Variants in PLPP4 observed in about 807,000 individuals in gnomAD.
The protein encoded by PLPP4 is diacylglycerol pyrophosphate like 2.
A neutral mutation model predicts 32.2 loss-of-function variants in PLPP4; 20 were observed. That is an observed-to-expected ratio of 0.62 (90% CI 0.44 to 0.90). The LOEUF is 0.90. Ranked by LOEUF, PLPP4 falls within the 40% of genes least tolerant of loss-of-function variation. The pLI is 0.00. For synonymous variants in PLPP4, 127 were observed against 133.0 expected, an observed-to-expected ratio of 0.95 and a Z score of 0.31; for missense variants, 257 against 353.1, an observed-to-expected ratio of 0.73 and a Z score of 2.18.
chr10:120,483,805 A>G (rs978953102), intron 1 of PLPP4, among the ~76,000 whole-genome samples: 1 of 152,132 alleles, frequency 6.6e-6, no homozygotes, highest in Admixed American at 6.5e-5. Flanking sequence ...TTTTCTGGCC[A>G]TGTGATCTCT....
chr10:120,571,890 A>G (rs1848957510), intron 5 of PLPP4, among the ~76,000 whole-genome samples: 1 of 152,230 alleles, frequency 6.6e-6, no homozygotes, highest in Non-Finnish European at 1.5e-5. Flanking sequence ...TGTTAGTTCA[A>G]TAACAGTATA....
At chr10:120,550,338 T>A (rs1171769876) in intron 5 of PLPP4, among the ~76,000 whole-genome samples, 1 of 151,998 alleles carries the variant, frequency 6.6e-6, no homozygotes, top group Non-Finnish European at 1.5e-5. Flanking sequence ...AGTTGAATTA[T>A]CCAATATTGT....
intron 5 of PLPP4, among the ~76,000 whole-genome samples, chr10:120,556,333 G>T (rs746947419): frequency 6.6e-6 from 1 of 152,100 alleles, no homozygotes; most frequent in Non-Finnish European, 1.5e-5. Context: ...GGCTTACATT[G>T]TTCTTGATTT....
chr10:120,546,454 A>T (rs1026605411), intron 5 of PLPP4, among the ~76,000 whole-genome samples: 1 of 152,078 alleles, frequency 6.6e-6, no homozygotes, highest in African/African-American at 2.4e-5. Context: ...TCACTCATCA[A>T]TTCCTTTAAT....
rs372646242 is a variant in PLPP4, at chr10:120,591,003, A to G, written c.*1501A>G. 3.9e-5 allele frequency among the ~76,000 whole-genome samples: 6 copies of G among 152,032 alleles called. No individual in the cohort carries two copies. Among genetic ancestry groups the G allele is most frequent in the African/African-American group, 1.4e-4 (6 of 41,402 alleles). On this transcript the variant is annotated 3_prime_UTR_variant, in exon 7 of 7. Transcript: ENST00000398250. ...AGGCTGGTCTCGGACTCCTAGCCTC[A>G]AGTGATCTGCCCACCTCGGCCTCCC...
At chr10:120,485,971 G>T in intron 1 of PLPP4, among the ~76,000 whole-genome samples, 1 of 152,180 alleles carries the variant, frequency 6.6e-6, no homozygotes, top group East Asian at 1.9e-4. Flanking sequence ...TTCTTGGTCT[G>T]CTCTGGTCTC....
intron 1 of PLPP4, among the ~76,000 whole-genome samples, chr10:120,493,440 A>C (rs573021849): frequency 6.6e-6 from 1 of 152,318 alleles, no homozygotes; most frequent in South Asian, 2.1e-4. Context: ...CAGGGGCCAC[A>C]GGTAAAGAAT....
intron 1 of PLPP4, among the ~76,000 whole-genome samples, chr10:120,463,364 C>G (rs1470340396): frequency 1.3e-5 from 2 of 152,130 alleles, no homozygotes; most frequent in African/African-American, 4.8e-5. Flanking sequence ...AAGCAAAGAG[C>G]TATAACAAAA....
intron 2 of PLPP4, among the ~76,000 whole-genome samples, chr10:120,507,951 A>C (rs898708840): frequency 1.3e-5 from 2 of 152,150 alleles, no homozygotes; most frequent in African/African-American, 4.8e-5. Context: ...AATAGGTAAG[A>C]CTCAGTAAGA....
intron 1 of PLPP4, among the ~76,000 whole-genome samples, chr10:120,500,338 G>C (rs1263950888): frequency 1.3e-5 from 2 of 152,226 alleles, no homozygotes; most frequent in African/African-American, 4.8e-5. Flanking sequence ...GTCTCACAGA[G>C]TGGGGGTGTG....
intron 6 of PLPP4, among the ~76,000 whole-genome samples, chr10:120,584,470 G>T (rs1849662537): frequency 6.6e-6 from 1 of 152,212 alleles, no homozygotes; most frequent in Non-Finnish European, 1.5e-5. Flanking sequence ...CCCCTGATAC[G>T]TATGCAGTGC....
chr10:120,478,800 C>T (rs1006689229), intron 1 of PLPP4, among the ~76,000 whole-genome samples: 3 of 152,230 alleles, frequency 2.0e-5, no homozygotes, highest in Non-Finnish European at 4.4e-5. Flanking sequence ...TAATTTAATA[C>T]AGCCAGTCTG....
chr10:120,512,796 A>C (rs1415930183), intron 2 of PLPP4, among the ~76,000 whole-genome samples: 1 of 152,154 alleles, frequency 6.6e-6, no homozygotes, highest in Admixed American at 6.5e-5. Context: ...CTGGTGACAG[A>C]GTGAGACTCT....
intron 6 of PLPP4, chr10:120,580,940 C>T (rs925431623): frequency 3.0e-5 from 39 of 1,289,206 alleles, no homozygotes; most frequent in Middle Eastern, 2.1e-4. Flanking sequence ...CATTTACCAT[C>T]GGCTGCCAAC....
At chr10:120,506,097 TAGTC>T (rs1483311723) in intron 2 of PLPP4, among the ~76,000 whole-genome samples, 8 of 152,218 alleles carry the variant, frequency 5.3e-5, no homozygotes, top group African/African-American at 1.4e-4. Flanking sequence ...TGGTAGAAAT[TAGTC>T]AGTAGAGGGC....
chr10:120,545,510 CCTT>C (rs1402871584), intron 5 of PLPP4, among the ~76,000 whole-genome samples: 2 of 152,140 alleles, frequency 1.3e-5, no homozygotes, highest in Admixed American at 1.3e-4. Flanking sequence ...GGCTCTTTCT[CCTT>C]CTCTTTGTGT....
At chr10:120,506,969 C>T (rs1391536827) in intron 2 of PLPP4, among the ~76,000 whole-genome samples, 1 of 152,180 alleles carries the variant, frequency 6.6e-6, no homozygotes, top group Non-Finnish European at 1.5e-5. Context: ...GGGATATGCC[C>T]AAGGCCTTTA....
intron 1 of PLPP4, among the ~76,000 whole-genome samples, chr10:120,494,647 C>T (rs1435598746): frequency 4.6e-5 from 7 of 152,174 alleles, no homozygotes; most frequent in Admixed American, 4.6e-4. Flanking sequence ...CTCTACATGC[C>T]AGTCTTCCTT....
At chr10:120,467,064 G>T (rs1848358006) in intron 1 of PLPP4, among the ~76,000 whole-genome samples, 1 of 152,062 alleles carries the variant, frequency 6.6e-6, no homozygotes, top group Non-Finnish European at 1.5e-5. Flanking sequence ...GAAATTGCCA[G>T]TATATAAGTA....
Sources: gnomAD v4.1 joint callset for allele counts (sites outside exome capture counted in the v4.1 genomes callset) on GRCh38, gnomAD v4.1.1 for gene constraint, MANE v1.5 for transcripts, NCBI Gene and HGNC (gene_info 2026-07-23, HGNC 2026-07-21) for gene names.